The following MICAL3 variants were observed in gnomAD, a reference collection of about 807,000 sequenced individuals.
The protein encoded by MICAL3 is microtubule associated monooxygenase, calponin and LIM domain containing 3, also known as [F-actin]-monooxygenase MICAL3.
Under a neutral mutation model 207.4 loss-of-function variants are expected in MICAL3, and 62 were observed. The ratio of observed to expected loss-of-function variants is 0.30; its 90% CI spans 0.24 to 0.37. The LOEUF (loss-of-function observed/expected upper bound fraction) is 0.37. MICAL3 is among the 10% of genes least tolerant of loss of function. MICAL3 has a pLI of 1.00. For missense variants in MICAL3, 2,368 were observed against 2,635.6 expected, an observed-to-expected ratio of 0.90 and a Z score of 2.22; for synonymous variants, 1,077 against 1,069.3, an observed-to-expected ratio of 1.01 and a Z score of -0.14.
rs1014543012 is a variant in MICAL3, at chr22:17,993,962, C to T, written c.-75+30319G>A. 2.6e-5 allele frequency among the ~76,000 whole-genome samples: 4 copies of T among 152,172 alleles called. No individual in the cohort carries two copies. The East Asian group carries it at 7.7e-4, about 29-fold the overall frequency. On this transcript the variant is annotated intron_variant, in intron 1 of 31. Transcript: ENST00000441493. Reference sequence around the variant, plus strand: ...ATCCTGACGCCACCACTTGTTTTAGCCCTCTGTGCCCCACTTCCTAGTGTG... The same window carrying T: ...ATCCTGACGCCACCACTTGTTTTAGTCCTCTGTGCCCCACTTCCTAGTGTG...
intron 1 of MICAL3, among the ~76,000 whole-genome samples, chr22:17,979,784 C>CAA (rs35242147): frequency 0.02 from 2,927 of 148,160 alleles, 35 homozygotes; most frequent in Middle Eastern, 0.038. Flanking sequence ...TTTAAAAAAA[C>CAA]AAAAAAAAAC....
At chr22:17,928,032 T>C (rs1180197041) in intron 1 of MICAL3, among the ~76,000 whole-genome samples, 1 of 152,180 alleles carries the variant, frequency 6.6e-6, no homozygotes, top group Non-Finnish European at 1.5e-5. Context: ...TCGAGATAAA[T>C]TGGGTTTTAT....
At position 18,023,977 on chromosome 22, in the gene MICAL3, T is replaced by C. The variant is rs143960823; in HGVS notation, c.-75+304A>G. ...GGATAGAAGCACAATGAAAATGGGG[T>C]GGACGTGGCTGGGAGACAGCCCTGC... On this transcript the variant is annotated intron_variant, in intron 1 of 31. Coordinates refer to ENST00000441493, the MANE Select transcript of MICAL3 (RefSeq NM_015241.3). Among the ~76,000 whole-genome samples, 379 of 152,114 alleles carry C rather than the reference T, an allele frequency of 2.5e-3. 1 individual carries two copies. The highest frequency in any genetic ancestry group is 8.4e-3 in the African/African-American group (349 of 41,468).
intron 20 of MICAL3, chr22:17,834,486 T>C (rs896674451): frequency 2.4e-6 from 3 of 1,267,258 alleles, no homozygotes; most frequent in Admixed American, 2.4e-5. Context: ...GAGGCTGAGG[T>C]GGGTGGATCA....
intron 19 of MICAL3, chr22:17,863,576 G>A (rs1301992188): frequency 1.0e-6 from 1 of 985,336 alleles, no homozygotes; most frequent in African/African-American, 1.7e-5. Flanking sequence ...GCTATAAAAT[G>A]TTGGTCCCAC....
At chr22:17,920,290 A>G (rs1211015952) in intron 1 of MICAL3, among the ~76,000 whole-genome samples, 1 of 152,116 alleles carries the variant, frequency 6.6e-6, no homozygotes, top group Non-Finnish European at 1.5e-5. Context: ...TGGGGCCCCA[A>G]TACTGCCTTC....
At chr22:17,854,568 TGA>T (rs1413833826) in intron 19 of MICAL3, among the ~76,000 whole-genome samples, 3 of 151,684 alleles carry the variant, frequency 2.0e-5, no homozygotes, top group South Asian at 2.1e-4. Context: ...AGGAAATCCA[TGA>T]GAGAGGTGCA....
chr22:17,826,440 C>T (rs1477962798), intron 22 of MICAL3: 2 of 985,368 alleles, frequency 2.0e-6, no homozygotes, highest in Non-Finnish European at 2.4e-6. Context: ...AGAGAGTGAA[C>T]ATCACCAGAC....
chr22:17,797,798 A>C (rs928027193), intron 29 of MICAL3, among the ~76,000 whole-genome samples: 4 of 152,256 alleles, frequency 2.6e-5, no homozygotes, highest in African/African-American at 9.6e-5. Context: ...CACCAACGCT[A>C]ACCACGTGGC....
At chr22:17,969,917 G>A (rs1935323582) in intron 1 of MICAL3, among the ~76,000 whole-genome samples, 3 of 152,112 alleles carry the variant, frequency 2.0e-5, no homozygotes, top group East Asian at 3.9e-4. Flanking sequence ...TGAGTGTGAG[G>A]GCCTCATGAG....
chr22:17,852,567 G>T (rs902035099), intron 19 of MICAL3, among the ~76,000 whole-genome samples: 1 of 152,226 alleles, frequency 6.6e-6, no homozygotes, highest in Non-Finnish European at 1.5e-5. Flanking sequence ...GCAGCTGCGG[G>T]TCTATCATCA....
Position 17,818,460 on chromosome 22 carries a change from G to C in MICAL3, c.4201C>G (p.Leu1401Val). ...LPKPEGEPLS[L>V]PTPRSPSDRE... ...TCGGACGGGGACCGGGGGGTTGGCAGGGACAACGGCTCGCCTTCCGGCTTT... is the reference window on the plus strand; with the variant it reads ...TCGGACGGGGACCGGGGGGTTGGCACGGACAACGGCTCGCCTTCCGGCTTT... The change falls in exon 26 of 32, where the codon CTG becomes GTG. Residue 1401 changes from leucine (L) to valine (V), a missense_variant. By Grantham distance (32) the Leu-to-Val change is conservative. Transcript: ENST00000441493. The C allele has an allele frequency of 1.2e-6, 2 of 1,613,084 alleles. No homozygotes were observed. The highest frequency in any genetic ancestry group is 1.7e-6 in the Non-Finnish European group (2 of 1,179,898).
rs1014723563 is a variant in MICAL3, at chr22:17,788,709, T to G, written c.*2023A>C. 1.3e-5 allele frequency: 2 copies of G among 152,296 alleles called. No individual in the cohort carries two copies. The allele number at this position is 152,296 out of a possible 1,614,324, so 9.4% of individuals were successfully genotyped here. Reference sequence around the variant, plus strand: ...GGAGAATCAGCGCTGTGGCGGCCACTAGCGGCGTTATCTCCCGGATGTGCA... The same window carrying G: ...GGAGAATCAGCGCTGTGGCGGCCACGAGCGGCGTTATCTCCCGGATGTGCA... On this transcript the variant is annotated 3_prime_UTR_variant, in exon 32 of 32. Coordinates refer to ENST00000441493, the MANE Select transcript of MICAL3 (RefSeq NM_015241.3).
intron 19 of MICAL3, chr22:17,861,765 A>T (rs2146130332): frequency 1.0e-6 from 1 of 985,362 alleles, no homozygotes; most frequent in Non-Finnish European, 1.2e-6. Flanking sequence ...AAAAAAGAGG[A>T]TTTCTATATT....
chr22:17,870,038 C>G (rs1358800338), intron 17 of MICAL3, among the ~76,000 whole-genome samples: 2 of 152,180 alleles, frequency 1.3e-5, no homozygotes, highest in Non-Finnish European at 2.9e-5. Flanking sequence ...CTTCCTGGCT[C>G]TAGTCCATCT....
Position 17,821,483 on chromosome 22 carries a change from G to T in MICAL3, c.3475C>A (p.Arg1159=), listed in dbSNP as rs1428102670. ...AGAAGAGCTGATTCCTGGGGAGACC[G>T]GATGGGGCTGGTGGCTTGGGAGGGA... ...RGPSQATSPI[R]SPQESALLFI... The change falls in exon 25 of 32, where the codon CGG becomes AGG. Residue 1159 remains arginine (R), a synonymous_variant. Transcript: ENST00000441493. The T allele has an allele frequency of 1.3e-6, 2 of 1,542,404 alleles. No individual in the cohort carries two copies. Among genetic ancestry groups the T allele is most frequent in the South Asian group, 1.2e-5 (1 of 82,462 alleles).
Position 17,900,717 on chromosome 22 carries a change from G to C in MICAL3, c.847+125C>G. 1 of 728,488 alleles carries C rather than the reference G, an allele frequency of 1.4e-6. No homozygotes were observed. Among genetic ancestry groups the C allele is most frequent in the Non-Finnish European group, 2.3e-6 (1 of 436,974 alleles). The allele number at this position is 728,488 out of a possible 1,614,324, so 45.1% of individuals were successfully genotyped here. On this transcript the variant is annotated intron_variant, in intron 6 of 31. Coordinates refer to ENST00000441493, the MANE Select transcript of MICAL3 (RefSeq NM_015241.3). The surrounding 1 kb of genome is among the most constrained non-coding windows in gnomAD (Gnocchi z 4.0). Reference sequence around the variant, plus strand: ...TAGGAAGAAGGAACAGGAGTGAAAAGAGCAGGAGGGGCAGACAGTGCAGGA... The same window carrying C: ...TAGGAAGAAGGAACAGGAGTGAAAACAGCAGGAGGGGCAGACAGTGCAGGA...
intron 1 of MICAL3, among the ~76,000 whole-genome samples, chr22:18,012,473 G>A (rs985666535): frequency 6.6e-6 from 1 of 152,192 alleles, no homozygotes; most frequent in African/African-American, 2.4e-5. Context: ...AGACCAAGGC[G>A]ATAGTGGTGG....
At chr22:17,871,562 C>T (rs5746487) in intron 17 of MICAL3, among the ~76,000 whole-genome samples, 75,856 of 152,160 alleles carry the variant, frequency 0.5, 20,589 homozygotes, top group African/African-American at 0.72. Flanking sequence ...GTTCCCACCC[C>T]GAGGTCAGAA....
Sources: allele counts gnomAD v4.1 joint callset (sites outside exome capture counted in the v4.1 genomes callset), GRCh38; gene constraint gnomAD v4.1.1; non-coding constraint Gnocchi (gnomAD v3.1); transcripts MANE v1.5; gene names NCBI Gene and HGNC (gene_info 2026-07-23, HGNC 2026-07-21).